The following WNK1 variants were observed in gnomAD, a reference collection of about 807,000 sequenced individuals.
The protein encoded by WNK1 is serine/threonine-protein kinase WNK1.
In WNK1, 38 loss-of-function variants were observed where a neutral mutation model predicts 222.8. The ratio of observed to expected loss-of-function variants is 0.17; its 90% CI spans 0.13 to 0.22. WNK1 has a LOEUF of 0.22. WNK1 is among the 10% of genes least tolerant of loss of function. The pLI is 1.00. For synonymous variants in WNK1, 1,090 were observed against 1,092.9 expected (o/e 1.00, Z 0.05); for missense variants, 2,348 against 2,918.4 (o/e 0.80, Z 4.50).
At chr12:786,371 A>G (rs1019606486) in intron 1 of WNK1, among the ~76,000 whole-genome samples, 3 of 152,134 alleles carry the variant, frequency 2.0e-5, no homozygotes, top group Admixed American at 6.6e-5. Context: ...AATATAAAAT[A>G]TGCAGCATTT....
rs753483935 is a variant in WNK1, at chr12:883,053, A to G, written c.3483A>G (p.Thr1161=). ...GTGACAACCCCGAGGAGATAGCAAC[A>G]ATTATGGTACGTCTGCATTTGGAGT... is the stretch of plus-strand genomic sequence containing the variant. ...LDGDNPEEIA[T]IMVNNDFILA... Residue 1161 remains threonine, a synonymous_variant, in exon 15 of 28, where the codon ACA becomes ACG. Transcript: ENST00000315939. 7 of 1,603,628 alleles carry G rather than the reference A, an allele frequency of 4.4e-6. No homozygotes were observed. In the East Asian group the frequency reaches 6.7e-5, roughly 15 times the overall value.
chr12:867,972 C>T, intron 8 of WNK1: 1 of 1,614,050 alleles, frequency 6.2e-7, no homozygotes, highest in Non-Finnish European at 8.5e-7. Context: ...CCACCTCCCA[C>T]CTGCCCACCG....
chr12:817,914 T>G (rs1475468463), intron 2 of WNK1, among the ~76,000 whole-genome samples: 1 of 152,066 alleles, frequency 6.6e-6, no homozygotes, highest in Non-Finnish European at 1.5e-5. Flanking sequence ...ATTGTGCCAC[T>G]GCACTCTAGC....
At chr12:821,223 A>G (rs1565477596) in intron 2 of WNK1, among the ~76,000 whole-genome samples, 2 of 152,066 alleles carry the variant, frequency 1.3e-5, no homozygotes, top group Non-Finnish European at 2.9e-5. Flanking sequence ...TCCTTTTACT[A>G]TGCAGTTGGG....
At chr12:788,967 A>G (rs976271387) in intron 1 of WNK1, among the ~76,000 whole-genome samples, 2 of 152,154 alleles carry the variant, frequency 1.3e-5, no homozygotes, top group South Asian at 2.1e-4. Flanking sequence ...ACCTTTGCTT[A>G]TAACAGTTTT....
At chr12:803,150 G>A (rs1946043091) in intron 1 of WNK1, among the ~76,000 whole-genome samples, 1 of 152,194 alleles carries the variant, frequency 6.6e-6, no homozygotes, top group African/African-American at 2.4e-5. Context: ...ACTGTAGTTA[G>A]ATAAATAATG....
Position 909,409 on chromosome 12 carries a change from A to G in WNK1, c.*617A>G, listed in dbSNP as rs1284578911. 1 of 145,314 alleles carries G rather than the reference A, an allele frequency of 6.9e-6. No individual in the cohort carries two copies. Among genetic ancestry groups the G allele is most frequent in the Non-Finnish European group, 1.5e-5 (1 of 66,612 alleles). 9.0% of individuals were successfully genotyped at this position (145,314 alleles called of 1,614,324 possible). A position where few individuals can be genotyped will look rare whatever the true frequency, so the allele number is the denominator to read the frequency against. On this transcript the variant is annotated 3_prime_UTR_variant, in exon 28 of 28. Coordinates refer to ENST00000315939, the MANE Select transcript of WNK1 (RefSeq NM_018979.4). Reference sequence around the variant, plus strand: ...TTTGACTGCAGCATTAGCAATTAGGAAAAAAAAAAAATTAAGTTCCCTGCG... The same window carrying G: ...TTTGACTGCAGCATTAGCAATTAGGGAAAAAAAAAAATTAAGTTCCCTGCG...
In WNK1 at chr12:757,722, G is replaced by T. The variant is rs1157642419; in HGVS notation, c.759+3398G>T. On this transcript the variant is annotated intron_variant, in intron 1 of 27. Coordinates refer to ENST00000315939, the MANE Select transcript of WNK1 (RefSeq NM_018979.4). The stretch of plus-strand genomic sequence containing the variant: ...GAAAGGGATCTGGTTTTTCAAAAAA[G>T]ATAGCATAATTTCCTTTAAGAAAAC... Among the ~76,000 whole-genome samples, 16 of 148,476 alleles carry T rather than the reference G, an allele frequency of 1.1e-4. 2 individuals carry two copies. Among genetic ancestry groups the T allele is most frequent in the South Asian group, 2.2e-4 (1 of 4,614 alleles).
chr12:821,644 T>G (rs1947890538), intron 2 of WNK1, among the ~76,000 whole-genome samples: 1 of 152,232 alleles, frequency 6.6e-6, no homozygotes, highest in Admixed American at 6.5e-5. Flanking sequence ...AATACTGAAG[T>G]CTCCAACTAT....
At chr12:795,186 A>G (rs1945189372) in intron 1 of WNK1, among the ~76,000 whole-genome samples, 1 of 152,112 alleles carries the variant, frequency 6.6e-6, no homozygotes, top group African/African-American at 2.4e-5. Context: ...TAAGTGTTTT[A>G]TAGAACTCAT....
At chr12:781,195 A>G (rs911181914) in intron 1 of WNK1, 3 of 155,788 alleles carry the variant, frequency 1.9e-5, no homozygotes, top group African/African-American at 7.2e-5. Flanking sequence ...AGTACTGCTA[A>G]CGCCTACATA....
At chr12:865,887 CAAACCAA>C (rs1951626198) in intron 8 of WNK1, among the ~76,000 whole-genome samples, 1 of 151,818 alleles carries the variant, frequency 6.6e-6, no homozygotes, top group African/African-American at 2.4e-5. Context: ...GATGTATCAG[CAAACCAA>C]AGAACTACAT....
chr12:882,234 T>C (rs1247937631), intron 14 of WNK1, among the ~76,000 whole-genome samples, 161 bp downstream of exon 14: 9 of 152,184 alleles, frequency 5.9e-5, no homozygotes, highest in Non-Finnish European at 1.2e-4. Context: ...TCTCGCTCTG[T>C]CGCCCAGGCT....
In WNK1 at chr12:761,950, C is replaced by T. The variant is rs142998807; in HGVS notation, c.759+7626C>T. On this transcript the variant is annotated intron_variant, in intron 1 of 27. Coordinates refer to ENST00000315939, the MANE Select transcript of WNK1 (RefSeq NM_018979.4). ...ACACAGGAGATTGGTTCCAGACAGC[C>T]CCCACCCCAGGGTACCAAAATTCAC... is the stretch of plus-strand genomic sequence containing the variant. Among the ~76,000 whole-genome samples the T allele has an allele frequency of 4.0e-3, 585 of 147,390 alleles. 18 individuals carry two copies. The highest frequency in any genetic ancestry group is 0.013 in the African/African-American group (531 of 41,144).
chr12:813,690 G>A lies in WNK1; in HGVS notation c.808G>A (p.Glu270Lys). The A allele has an allele frequency of 6.2e-7, 1 of 1,613,900 alleles. No individual in the cohort carries two copies. The highest frequency in any genetic ancestry group is 8.5e-7 in the Non-Finnish European group (1 of 1,179,948). Residue 270 changes from glutamate to lysine, a missense_variant, in exon 2 of 28, where the codon GAA becomes AAA. By Grantham distance (56) the Glu-to-Lys change is moderately conservative. Coordinates refer to ENST00000315939, the MANE Select transcript of WNK1 (RefSeq NM_018979.4). ...GAGGCAGAGATTTAAAGAAGAAGCTGAAATGTTAAAAGGTCTTCAGCATCC... is the reference window on the plus strand; with the variant it reads ...GAGGCAGAGATTTAAAGAAGAAGCTAAAATGTTAAAAGGTCTTCAGCATCC... ...SERQRFKEEA[E>K]MLKGLQHPNI...
chr12:881,491 A>G lies in WNK1; in HGVS notation c.3112-201A>G, dbSNP rs72650713. 5.1e-4 allele frequency: 313 copies of G among 619,644 alleles called. 1 individual carries two copies. The African/African-American group carries it at 5.2e-3, about 10-fold the overall frequency. 38.4% of individuals were successfully genotyped at this position (619,644 alleles called of 1,614,324 possible). On this transcript the variant is annotated intron_variant, in intron 12 of 27. Coordinates refer to ENST00000315939, the MANE Select transcript of WNK1 (RefSeq NM_018979.4). ...TGGCTGACCTCATACCATGCAGTCT[A>G]TACCAGAGACTAGCTTTAGCAACTT... is the stretch of plus-strand genomic sequence containing the variant.
chr12:796,921 G>T (rs768303273), intron 1 of WNK1, among the ~76,000 whole-genome samples: 43 of 151,876 alleles, frequency 2.8e-4, no homozygotes, highest in Non-Finnish European at 3.5e-4. Flanking sequence ...TAAAATTTTC[G>T]GTGGTGCCCT....
chr12:904,522 C>T lies in WNK1; in HGVS notation c.6644-3325C>T, dbSNP rs975418443. On this transcript the variant is annotated intron_variant, in intron 26 of 27. Transcript: ENST00000315939. ...AATTATCTTTTCTGTTATTTTTGGT[C>T]CTTGATTGCAAAGCCTGTTAACCAT... 18 of 1,287,590 alleles carry T rather than the reference C, an allele frequency of 1.4e-5. No homozygotes were observed. The Admixed American group carries it at 3.9e-4, about 28-fold the overall frequency. The allele number at this position is 1,287,590 out of a possible 1,614,324, so 79.8% of individuals were successfully genotyped here.
At chr12:816,392 C>T (rs1247258668) in intron 2 of WNK1, among the ~76,000 whole-genome samples, 1 of 152,054 alleles carries the variant, frequency 6.6e-6, no homozygotes, top group African/African-American at 2.4e-5. Flanking sequence ...ACCTCAGCCT[C>T]CCCACTACCT....
Sources: gnomAD v4.1 joint callset for allele counts (sites outside exome capture counted in the v4.1 genomes callset) on GRCh38, gnomAD v4.1.1 for gene constraint, MANE v1.5 for transcripts, NCBI Gene and HGNC (gene_info 2026-07-23, HGNC 2026-07-21) for gene names.